The following DNAH3 variants were observed in gnomAD, a reference collection of about 807,000 sequenced individuals.
DNAH3 encodes the protein axonemal beta dynein heavy chain 3.
DNAH3 carries 332 observed loss-of-function variants against 432.5 expected under a neutral mutation model. The observed-to-expected ratio is 0.77, with a 90% CI of 0.70 to 0.84. The LOEUF (loss-of-function observed/expected upper bound fraction) is 0.84. Ranked by LOEUF, DNAH3 falls within the 40% of genes least tolerant of loss-of-function variation. The pLI is 0.00. For synonymous variants in DNAH3, 1,956 were observed against 1,900.2 expected (o/e 1.03, Z -0.76); for missense variants, 4,861 against 5,114.0 (o/e 0.95, Z 1.51).
intron 7 of DNAH3, among the ~76,000 whole-genome samples, chr16:21,128,691 TAA>T (rs11074482): frequency 6.0e-4 from 83 of 138,514 alleles, no homozygotes; most frequent in Admixed American, 7.2e-4. Flanking sequence ...GAGACTCGTC[TAA>T]AAAAAAAAAA....
At chr16:21,007,006 T>G (rs996529945) in intron 41 of DNAH3, among the ~76,000 whole-genome samples, 1 of 152,202 alleles carries the variant, frequency 6.6e-6, no homozygotes, top group South Asian at 2.1e-4. Context: ...TTTTCAAAGC[T>G]ACTGCACCAT....
At position 21,141,438 on chromosome 16, in the gene DNAH3, G is replaced by A. The variant is rs907018656; in HGVS notation, c.449-66C>T. 6 of 1,202,024 alleles carry A rather than the reference G, an allele frequency of 5.0e-6. No homozygotes were observed. In the African/African-American group the frequency reaches 6.1e-5, roughly 12 times the overall value. 74.5% of individuals were successfully genotyped at this position (1,202,024 alleles called of 1,614,324 possible). ...GCCTTGGGCCATTCTCCGTCCACAGGGGCATGACTCTCGGAACAGTCCAGG... is the reference window on the plus strand; with the variant it reads ...GCCTTGGGCCATTCTCCGTCCACAGAGGCATGACTCTCGGAACAGTCCAGG... On this transcript the variant is annotated intron_variant, in intron 3 of 61. Transcript: ENST00000261383.
chr16:20,975,828 T>TC (rs2085562715), intron 50 of DNAH3, among the ~76,000 whole-genome samples: 1 of 152,134 alleles, frequency 6.6e-6, no homozygotes, highest in South Asian at 2.1e-4. Context: ...CACTGCAACC[T>TC]CCAACTCCTG....
At chr16:20,993,389 C>T (rs891018425) in intron 44 of DNAH3, among the ~76,000 whole-genome samples, 2 of 152,096 alleles carry the variant, frequency 1.3e-5, no homozygotes, top group African/African-American at 4.8e-5. Flanking sequence ...TCAGTCTCTC[C>T]ACAGTCATTT....
chr16:20,993,668 C>G (rs1371750126), intron 44 of DNAH3, among the ~76,000 whole-genome samples: 1 of 152,054 alleles, frequency 6.6e-6, no homozygotes, highest in Non-Finnish European at 1.5e-5. Flanking sequence ...TTTTGTCTAG[C>G]TGCCCAAAAG....
intron 4 of DNAH3, 94 bp downstream of exon 5, chr16:21,141,206 T>C: frequency 6.7e-6 from 6 of 892,608 alleles, no homozygotes; most frequent in Non-Finnish European, 1.0e-5. Context: ...GGGAATGCTT[T>C]GAAGCCAAGA....
At chr16:20,935,109 T>G (rs1361584563) in intron 61 of DNAH3, among the ~76,000 whole-genome samples, 1 of 152,174 alleles carries the variant, frequency 6.6e-6, no homozygotes. Context: ...TTTCTTGGTG[T>G]TCTGACGGAA....
intron 12 of DNAH3, among the ~76,000 whole-genome samples, chr16:21,114,562 C>A (rs1203010372): frequency 1.2e-4 from 19 of 152,146 alleles, no homozygotes; most frequent in Admixed American, 9.8e-4. Flanking sequence ...AGACAAACAA[C>A]CCCATCAAAA....
chr16:21,127,938 G>A, intron 7 of DNAH3, 126 bp from the exon 9 acceptor site: 1 of 1,179,648 alleles, frequency 8.5e-7, no homozygotes, highest in Non-Finnish European at 1.2e-6. Flanking sequence ...ATGAATTACA[G>A]GATATGGGAA....
intron 59 of DNAH3, among the ~76,000 whole-genome samples, chr16:20,939,383 G>A (rs904249526): frequency 6.6e-6 from 1 of 152,152 alleles, no homozygotes; most frequent in South Asian, 2.1e-4. Context: ...AGGCCAAGGT[G>A]GGCGGATCAC....
exon 31 of DNAH3, chr16:21,049,628 A>C: frequency 2.5e-6 from 4 of 1,614,208 alleles, no homozygotes; most frequent in Non-Finnish European, 3.4e-6. Context: ...AGCCCCTTGA[A>C]GAACTTCCCC....
chr16:21,106,199 A>AAG (rs1235459742), intron 15 of DNAH3, among the ~76,000 whole-genome samples: 2 of 150,692 alleles, frequency 1.3e-5, no homozygotes, highest in Non-Finnish European at 3.0e-5. Context: ...AAAAAAAAAA[A>AAG]GAACTGGAGG....
chr16:21,081,194 C>T (rs1351751921), intron 20 of DNAH3, among the ~76,000 whole-genome samples: 1 of 152,130 alleles, frequency 6.6e-6, no homozygotes, highest in South Asian at 2.1e-4. Flanking sequence ...GCTGAAATTA[C>T]AGGCATGAGC....
At chr16:21,101,164 C>T (rs924455666) in intron 16 of DNAH3, among the ~76,000 whole-genome samples, 8 of 152,168 alleles carry the variant, frequency 5.3e-5, no homozygotes, top group Admixed American at 1.3e-4. Context: ...AGAACACTCA[C>T]ATTAGTCCAC....
intron 33 of DNAH3, 109 bp downstream of exon 33, chr16:21,039,743 T>A (rs550149724): frequency 3.4e-6 from 3 of 877,172 alleles, no homozygotes; most frequent in Admixed American, 3.6e-5. Context: ...GAAGCAAGTT[T>A]CTCAAGCTTC....
At chr16:21,064,241 C>T (rs1011096598) in intron 24 of DNAH3, among the ~76,000 whole-genome samples, 6 of 152,188 alleles carry the variant, frequency 3.9e-5, no homozygotes, top group Non-Finnish European at 1.5e-5. Flanking sequence ...TAAACCCAGG[C>T]TAGTCTTCTA....
At chr16:21,084,763 T>A (rs1383077350) in intron 19 of DNAH3, among the ~76,000 whole-genome samples, 3 of 152,118 alleles carry the variant, frequency 2.0e-5, no homozygotes, top group Non-Finnish European at 4.4e-5. Context: ...GTGAGCTACC[T>A]CGCTTGGCCT....
At chr16:21,069,671 T>C (rs957228090) in intron 22 of DNAH3, 77 bp from the exon 23 acceptor site, 8 of 1,233,924 alleles carry the variant, frequency 6.5e-6, no homozygotes, top group Non-Finnish European at 8.0e-6. Flanking sequence ...AGCAAATGGA[T>C]GGAGCCGTAC....
At chr16:21,106,795 A>ATTT (rs1040490560) in intron 14 of DNAH3, 121 bp from the exon 15 acceptor site, 4 of 909,708 alleles carry the variant, frequency 4.4e-6, no homozygotes, top group Non-Finnish European at 6.0e-6. Flanking sequence ...AAAAAAGAAA[A>ATTT]TTTTTTTTTA....
Sources: allele counts gnomAD v4.1 joint callset (sites outside exome capture counted in the v4.1 genomes callset), GRCh38; gene constraint gnomAD v4.1.1; transcripts MANE v1.5; gene names NCBI Gene and HGNC (gene_info 2026-07-23, HGNC 2026-07-21).